ADCY5: variants seen among roughly 807,000 people sequenced by gnomAD.
ADCY5 encodes the protein adenylate cyclase type 5.
In ADCY5, 30 loss-of-function variants were observed where a neutral mutation model predicts 119.7. That is an observed-to-expected ratio of 0.25 (90% CI 0.19 to 0.34). ADCY5 has a LOEUF of 0.34. Among genes scored for constraint, ADCY5 ranks in the 10% least tolerant of loss-of-function variants. The pLI is 1.00. For synonymous variants in ADCY5, 753 were observed against 762.2 expected (o/e 0.99, Z 0.20); for missense variants, 1,324 against 1,775.2 (o/e 0.75, Z 4.57).
chr3:123,395,815 C>T (rs1220062017), intron 1 of ADCY5, among the ~76,000 whole-genome samples: 1 of 150,226 alleles, frequency 6.7e-6, no homozygotes, highest in Non-Finnish European at 1.5e-5. Context: ...CCTAGGAAGT[C>T]GAGGTTGCAG....
chr3:123,372,575 C>T (rs190820926), intron 1 of ADCY5, among the ~76,000 whole-genome samples: 1 of 152,294 alleles, frequency 6.6e-6, no homozygotes, highest in African/African-American at 2.4e-5. Flanking sequence ...TTCCTGGCCA[C>T]ATGCCTAAGA....
In ADCY5 at chr3:123,389,000, G is replaced by A. The variant is rs573081746; in HGVS notation, c.1135-36419C>T. 1.6e-3 allele frequency among the ~76,000 whole-genome samples: 243 copies of A among 152,242 alleles called. 4 individuals are homozygous for A. The South Asian group carries it at 0.045, about 28-fold the overall frequency. On this transcript the variant is annotated intron_variant, in intron 1 of 20. Coordinates refer to ENST00000462833, the MANE Select transcript of ADCY5 (RefSeq NM_183357.3). ...ACAGGAGGGACCTGGGGAAGGAGGC[G>A]GGGCGGGAGGCCAGGAGTCATGGAA...
intron 1 of ADCY5, among the ~76,000 whole-genome samples, chr3:123,427,243 A>G (rs367992420): frequency 6.6e-6 from 1 of 152,134 alleles, no homozygotes; most frequent in Non-Finnish European, 1.5e-5. Context: ...GACCACCTCC[A>G]TGCCCTAACA....
At chr3:123,330,561 G>A (rs1941713419) in intron 5 of ADCY5, among the ~76,000 whole-genome samples, 1 of 152,166 alleles carries the variant, frequency 6.6e-6, no homozygotes, top group African/African-American at 2.4e-5. Context: ...TAGGAAACAT[G>A]AGGCCCCGGA....
chr3:123,315,163 T>TAA (rs1184558079), intron 11 of ADCY5, among the ~76,000 whole-genome samples: 3 of 152,300 alleles, frequency 2.0e-5, no homozygotes, highest in Admixed American at 1.3e-4. Context: ...AAGAGTGGCC[T>TAA]GACGAGGCCA....
chr3:123,284,359 A>G lies in ADCY5; in HGVS notation c.*249T>C. The G allele has an allele frequency of 1.9e-6, 1 of 520,674 alleles. No individual in the cohort carries two copies. Among genetic ancestry groups the G allele is most frequent in the Non-Finnish European group, 3.4e-6 (1 of 291,568 alleles). 32.3% of individuals were successfully genotyped at this position (520,674 alleles called of 1,614,324 possible). A position where few individuals can be genotyped will look rare whatever the true frequency, so the allele number is the denominator to read the frequency against. On this transcript the variant is annotated 3_prime_UTR_variant, in exon 21 of 21. Transcript: ENST00000462833. ...AAAACTCAAGCTTCAGACCCAGTCTAGCAGAGTCTTCTACAGAGGGAAACA... is the reference window on the plus strand; with the variant it reads ...AAAACTCAAGCTTCAGACCCAGTCTGGCAGAGTCTTCTACAGAGGGAAACA...
chr3:123,417,952 T>A (rs985842636), intron 1 of ADCY5, among the ~76,000 whole-genome samples: 1 of 152,212 alleles, frequency 6.6e-6, no homozygotes, highest in African/African-American at 2.4e-5. Flanking sequence ...AGAGCGAGAC[T>A]CTGGACCAGC....
intron 17 of ADCY5, among the ~76,000 whole-genome samples, chr3:123,291,849 A>G (rs1184109089): frequency 1.3e-5 from 2 of 152,148 alleles, no homozygotes; most frequent in Non-Finnish European, 2.9e-5. Context: ...TAATTGACGG[A>G]CCTGTGGGGG....
rs1938510374 is a variant in ADCY5, at chr3:123,283,504, A to AGAT, written c.*1101_*1103dup. On this transcript the variant is annotated 3_prime_UTR_variant, in exon 21 of 21. Transcript: ENST00000462833. ...TACATACGTGTGCGTGTGTCAGAAA[A>AGAT]GATGGGGCAGTGTGTCCATGCATCC... 1 of 152,220 alleles carries AGAT rather than the reference A, an allele frequency of 6.6e-6. No individual in the cohort carries two copies. The highest frequency in any genetic ancestry group is 3.2e-3 in the Middle Eastern group (1 of 316). The allele number at this position is 152,220 out of a possible 1,614,324, so 9.4% of individuals were successfully genotyped here.
At chr3:123,365,212 C>T (rs2107515374) in intron 1 of ADCY5, among the ~76,000 whole-genome samples, 1 of 152,366 alleles carries the variant, frequency 6.6e-6, no homozygotes, top group African/African-American at 2.4e-5. Flanking sequence ...TCACCTTGGC[C>T]TCCCAAAATG....
In ADCY5 at chr3:123,286,140, T is replaced by G. The variant is rs2108158799; in HGVS notation, c.3657+545A>C. On this transcript the variant is annotated intron_variant, in intron 20 of 20. Transcript: ENST00000462833. The surrounding 1 kb of genome is among the most constrained non-coding windows in gnomAD (Gnocchi z 4.2). ...CAAGGAAGGCTCAAAAAGCAGCAGCTGAAGAACAGCAGGCCGGGAAACCAC... is the reference window on the plus strand; with the variant it reads ...CAAGGAAGGCTCAAAAAGCAGCAGCGGAAGAACAGCAGGCCGGGAAACCAC... 6.6e-6 allele frequency among the ~76,000 whole-genome samples: 1 copy of G among 152,154 alleles called. No individual in the cohort carries two copies. The highest frequency in any genetic ancestry group is 2.1e-4 in the South Asian group (1 of 4,814).
chr3:123,358,010 C>A (rs1192737842), intron 1 of ADCY5, among the ~76,000 whole-genome samples: 1 of 152,202 alleles, frequency 6.6e-6, no homozygotes, highest in Non-Finnish European at 1.5e-5. Flanking sequence ...TAAACCCTGT[C>A]CTTGTGTAAA....
At chr3:123,317,970 G>C in intron 11 of ADCY5, 50 bp downstream of exon 11, 1 of 1,539,310 alleles carries the variant, frequency 6.5e-7, no homozygotes. Context: ...CCCACTCCTG[G>C]GATTCCCTGC....
chr3:123,345,769 G>GACAGACAGACAGACAGACACACACACAC (rs57198270), intron 3 of ADCY5, among the ~76,000 whole-genome samples: 21 of 113,834 alleles, frequency 1.8e-4, no homozygotes, highest in African/African-American at 7.5e-4. Context: ...CAGACAGACA[G>GACAGACAGACAGACAGACACACACACAC]ACACACACAC....
intron 1 of ADCY5, among the ~76,000 whole-genome samples, chr3:123,422,573 C>T (rs1363764515): frequency 1.3e-5 from 2 of 152,162 alleles, no homozygotes; most frequent in African/African-American, 4.8e-5. Flanking sequence ...CGGCACCTAC[C>T]ATTAAACCAC....
At chr3:123,407,360 T>C (rs923291050) in intron 1 of ADCY5, among the ~76,000 whole-genome samples, 2 of 150,770 alleles carry the variant, frequency 1.3e-5, no homozygotes, top group African/African-American at 4.8e-5. Flanking sequence ...TGGGATCAGA[T>C]AAATGAAATG....
intron 12 of ADCY5, among the ~76,000 whole-genome samples, chr3:123,312,939 A>G (rs1366740295): frequency 6.6e-6 from 1 of 152,214 alleles, no homozygotes; most frequent in Non-Finnish European, 1.5e-5. Context: ...AAAGACCAAA[A>G]GGCAGGAGTG....
chr3:123,331,317 C>T (rs750252145), intron 4 of ADCY5, among the ~76,000 whole-genome samples: 8 of 152,182 alleles, frequency 5.3e-5, no homozygotes, highest in Non-Finnish European at 1.2e-4. Context: ...TTTGGCTGGT[C>T]GAACTGCAGC....
chr3:123,345,769 G>GACAGACAGACAGACAGACACACACAC (rs57198270), intron 3 of ADCY5, among the ~76,000 whole-genome samples: 5 of 113,836 alleles, frequency 4.4e-5, no homozygotes, highest in African/African-American at 2.0e-4. Context: ...CAGACAGACA[G>GACAGACAGACAGACAGACACACACAC]ACACACACAC....
Sources: allele counts gnomAD v4.1 joint callset (sites outside exome capture counted in the v4.1 genomes callset), GRCh38; gene constraint gnomAD v4.1.1; non-coding constraint Gnocchi (gnomAD v3.1); transcripts MANE v1.5; gene names NCBI Gene and HGNC (gene_info 2026-07-23, HGNC 2026-07-21).